Variants in ABCB11 observed in about 807,000 individuals in gnomAD.
ABCB11 encodes bile salt export pump.
In ABCB11, 95 loss-of-function variants were observed where a neutral mutation model predicts 148.0. The ratio of observed to expected loss-of-function variants is 0.64; its 90% confidence interval spans 0.54 to 0.76. The LOEUF is 0.76. Ranked by LOEUF, ABCB11 falls within the 30% of genes least tolerant of loss-of-function variation. The probability of loss-of-function intolerance (pLI) is 0.00; values close to 1 mark genes in which losing one functional copy is unlikely to be tolerated. For synonymous variants in ABCB11, 591 were observed against 555.4 expected, an observed-to-expected ratio of 1.06 and a Z score of -0.90; for missense variants, 1,523 against 1,617.8, an observed-to-expected ratio of 0.94 and a Z score of 1.01.
At chr2:168,938,792 G>A (rs925987663) in intron 21 of ABCB11, among the ~76,000 whole-genome samples, 35 of 151,820 alleles carry the variant, frequency 2.3e-4, no homozygotes, top group Non-Finnish European at 3.2e-4. Context: ...TTGGGATGTC[G>A]TTATTTTGTT....
chr2:168,961,653 G>A (rs146271931), intron 18 of ABCB11, among the ~76,000 whole-genome samples: 6 of 151,846 alleles, frequency 4.0e-5, no homozygotes, highest in African/African-American at 1.2e-4. Flanking sequence ...TGTCAACATT[G>A]TAACTAACAT....
intron 19 of ABCB11, among the ~76,000 whole-genome samples, chr2:168,946,635 G>A (rs16856258): frequency 0.027 from 4,035 of 151,702 alleles, 184 homozygotes; most frequent in African/African-American, 0.092. Flanking sequence ...CCCAAACTGC[G>A]ATGCCACAAT....
intron 1 of ABCB11, among the ~76,000 whole-genome samples, chr2:169,023,583 T>C (rs1695598759): frequency 6.6e-6 from 1 of 152,242 alleles, no homozygotes; most frequent in South Asian, 2.1e-4. Flanking sequence ...ATCTAGCCAT[T>C]AAAATCAATG....
At position 168,968,130 on chromosome 2, in the gene ABCB11, A is replaced by ATTTT. The variant is rs4000815; in HGVS notation, c.2075+293_2075+296dup. Among the ~76,000 whole-genome samples, 8,632 of 101,398 alleles carry ATTTT rather than the reference A, an allele frequency of 0.085. 681 individuals carry two copies. Among genetic ancestry groups the ATTTT allele is most frequent in the East Asian group, 0.35 (1,268 of 3,602 alleles). 66.5% of individuals were successfully genotyped at this position (101,398 alleles called of 152,430 possible). Reference sequence around the variant, plus strand: ...TGGAGCAGAGGAACACTAAACACAGATTTTTTTTAAAAGAAGTCCCCTTTC... The same window carrying ATTTT: ...TGGAGCAGAGGAACACTAAACACAGATTTTTTTTTTTTAAAAGAAGTCCCCTTTC... On this transcript the variant is annotated intron_variant, in intron 17 of 27. Transcript: ENST00000650372.
chr2:168,930,964 C>T (rs1574399066), intron 24 of ABCB11, 102 bp from the exon 25 acceptor site: 3 of 1,049,748 alleles, frequency 2.9e-6, no homozygotes, highest in South Asian at 1.6e-5. Flanking sequence ...GAGATACCTT[C>T]AAACCATGCT....
At chr2:168,951,174 C>CG (rs1392096980) in intron 19 of ABCB11, among the ~76,000 whole-genome samples, 4 of 151,202 alleles carry the variant, frequency 2.6e-5, no homozygotes. Flanking sequence ...TTTAGTCAGC[C>CG]AAATAATATG....
At chr2:168,936,058 T>C (rs1691806418) in intron 22 of ABCB11, among the ~76,000 whole-genome samples, 172 bp downstream of exon 22, 3 of 152,246 alleles carry the variant, frequency 2.0e-5, no homozygotes, top group Admixed American at 2.0e-4. Context: ...CGGAGCTTTA[T>C]TGCCTCAGCC....
intron 21 of ABCB11, among the ~76,000 whole-genome samples, chr2:168,943,645 G>A (rs929175265): frequency 2.0e-5 from 3 of 152,012 alleles, no homozygotes; most frequent in African/African-American, 7.2e-5. Flanking sequence ...AAAAAGCCTA[G>A]ATGAATTGAA....
At chr2:168,965,580 C>G (rs1693277015) in intron 17 of ABCB11, among the ~76,000 whole-genome samples, 1 of 151,682 alleles carries the variant, frequency 6.6e-6, no homozygotes, top group Non-Finnish European at 1.5e-5. Context: ...AAGGTAAATC[C>G]AAGTTGGGTT....
intron 19 of ABCB11, among the ~76,000 whole-genome samples, chr2:168,953,901 C>G (rs1392737597): frequency 6.6e-6 from 1 of 151,466 alleles, no homozygotes; most frequent in African/African-American, 2.4e-5. Context: ...CCTGGAAGAC[C>G]CCTCTCTGCT....
chr2:169,019,883 A>G (rs1695486571), intron 1 of ABCB11, among the ~76,000 whole-genome samples: 1 of 152,222 alleles, frequency 6.6e-6, no homozygotes, highest in Admixed American at 6.5e-5. Context: ...ATTATTCAGC[A>G]TCTTTACAGA....
At chr2:168,969,954 C>CCAACCA in intron 15 of ABCB11, 91 bp downstream of exon 15, 1 of 755,882 alleles carries the variant, frequency 1.3e-6, no homozygotes, top group Non-Finnish European at 2.2e-6. Context: ...CAACTACTCC[C>CCAACCA]ATCCCTCCCA....
chr2:168,932,567 G>A lies in ABCB11; in HGVS notation c.3057-34C>T, dbSNP rs141561365. ...AGACAGACACACAGGAAGAGAGCAG[G>A]GTGGCGTGGTTGGTGTGATGACCTG... On this transcript the variant is annotated intron_variant, in intron 23 of 27. Transcript: ENST00000650372. 1.3e-3 allele frequency: 2,124 copies of A among 1,606,444 alleles called. 16 individuals carry two copies. The African/African-American group carries it at 0.019, about 15-fold the overall frequency.
At chr2:168,960,733 T>C (rs1347330742) in intron 18 of ABCB11, among the ~76,000 whole-genome samples, 4 of 151,692 alleles carry the variant, frequency 2.6e-5, no homozygotes, top group African/African-American at 4.8e-5. Flanking sequence ...TATTGGACTT[T>C]TTATTGCATT....
At chr2:168,946,917 A>G (rs1692348872) in intron 19 of ABCB11, among the ~76,000 whole-genome samples, 1 of 151,794 alleles carries the variant, frequency 6.6e-6, no homozygotes, top group Non-Finnish European at 1.5e-5. Context: ...TAAAATTCAT[A>G]CAACTGTCCA....
At chr2:169,020,776 T>C (rs1695511638) in intron 1 of ABCB11, among the ~76,000 whole-genome samples, 2 of 152,120 alleles carry the variant, frequency 1.3e-5, no homozygotes, top group Non-Finnish European at 2.9e-5. Context: ...ATATAAGGTT[T>C]CTTTTGGGGA....
rs539629432 is a variant in ABCB11, at chr2:168,929,434, C to CA, written c.3411+1230dup. Among the ~76,000 whole-genome samples the CA allele has an allele frequency of 3.1e-4, 47 of 151,912 alleles. No homozygotes were observed. In the East Asian group the frequency reaches 8.7e-3, roughly 28 times the overall value. ...AAAAGAAACCTTTCAGAAAAACAAT[C>CA]AAAAAAATATAATGTAAATGTAACT... On this transcript the variant is annotated intron_variant, in intron 25 of 27. Coordinates refer to ENST00000650372, the MANE Select transcript of ABCB11 (RefSeq NM_003742.4).
intron 21 of ABCB11, among the ~76,000 whole-genome samples, chr2:168,941,047 A>C (rs574551042): frequency 8.5e-5 from 13 of 152,188 alleles, no homozygotes; most frequent in Admixed American, 4.6e-4. Flanking sequence ...TCTGACGGAG[A>C]TGTACAAGGA....
Position 168,983,034 on chromosome 2 carries a change from C to T in ABCB11, c.1084-3055G>A, listed in dbSNP as rs184980828. On this transcript the variant is annotated intron_variant, in intron 10 of 27. Coordinates refer to ENST00000650372, the MANE Select transcript of ABCB11 (RefSeq NM_003742.4). ...TACAAAAGTAGAGTAGCTCACTGTACAATGGGCAGGAAATTTAAAGATGAG... is the reference window on the plus strand; with the variant it reads ...TACAAAAGTAGAGTAGCTCACTGTATAATGGGCAGGAAATTTAAAGATGAG... 4.5e-4 allele frequency among the ~76,000 whole-genome samples: 68 copies of T among 152,200 alleles called. 1 individual carries two copies. Among genetic ancestry groups the T allele is most frequent in the South Asian group, 8.3e-4 (4 of 4,816 alleles).
Sources: allele counts gnomAD v4.1 joint callset (sites outside exome capture counted in the v4.1 genomes callset), GRCh38; gene constraint gnomAD v4.1.1; transcripts MANE v1.5; gene names NCBI Gene and HGNC (gene_info 2026-07-23, HGNC 2026-07-21).